Variants in MPPED1 observed in about 807,000 individuals in gnomAD.
The protein encoded by MPPED1 is metallophosphoesterase domain-containing protein 1.
A neutral mutation model predicts 36.2 loss-of-function variants in MPPED1; 16 were observed. The ratio of observed to expected loss-of-function variants is 0.44; its 90% CI spans 0.30 to 0.67. MPPED1 has a LOEUF of 0.67. Ranked by LOEUF, MPPED1 falls within the 30% of genes least tolerant of loss-of-function variation. The pLI, the probability that MPPED1 is intolerant of heterozygous loss-of-function variation, is 0.10. For synonymous variants in MPPED1, 199 were observed against 191.3 expected (o/e 1.04, Z -0.33); for missense variants, 307 against 453.4 (o/e 0.68, Z 2.93).
At chr22:43,417,055 T>C (rs1037297557) in intron 1 of MPPED1, 2 of 979,930 alleles carry the variant, frequency 2.0e-6, no homozygotes, top group Admixed American at 1.2e-4. Context: ...AAGTACATAA[T>C]TGGAAAATGA....
At chr22:43,420,123 A>G (rs1929213020) in intron 1 of MPPED1, among the ~76,000 whole-genome samples, 1 of 151,998 alleles carries the variant, frequency 6.6e-6, no homozygotes, top group Non-Finnish European at 1.5e-5. Context: ...CCTCAAGGGG[A>G]CCACTGAAGA....
chr22:43,483,747 T>C (rs1415977052), intron 4 of MPPED1, among the ~76,000 whole-genome samples: 1 of 152,218 alleles, frequency 6.6e-6, no homozygotes, highest in Non-Finnish European at 1.5e-5. Flanking sequence ...TGTGGCTGGC[T>C]TAGGGGGTGT....
intron 5 of MPPED1, among the ~76,000 whole-genome samples, chr22:43,499,236 G>T (rs1463188174): frequency 2.7e-5 from 4 of 150,014 alleles, no homozygotes; most frequent in Non-Finnish European, 5.9e-5. Flanking sequence ...TGGCAGTGGG[G>T]ATGGGGTGGT....
chr22:43,418,010 G>A, intron 1 of MPPED1: 2 of 455,864 alleles, frequency 4.4e-6, no homozygotes, highest in Middle Eastern at 3.3e-4. Flanking sequence ...AGTCGTTTCT[G>A]TGTGCTCATT....
At chr22:43,497,923 A>ATATATG (rs199983920) in intron 4 of MPPED1, among the ~76,000 whole-genome samples, 39 of 85,996 alleles carry the variant, frequency 4.5e-4, no homozygotes, top group Non-Finnish European at 7.4e-4. Flanking sequence ...AAGCTGATAT[A>ATATATG]TATATGTATA....
At position 43,500,343 on chromosome 22, in the gene MPPED1, G is replaced by A. The variant is rs796439604; in HGVS notation, c.748+1993G>A. 9.4e-3 allele frequency among the ~76,000 whole-genome samples: 1,349 copies of A among 143,492 alleles called. 2 individuals are homozygous for A. Among genetic ancestry groups the A allele is most frequent in the African/African-American group, 0.036 (1,257 of 34,644 alleles). 94.1% of individuals were successfully genotyped at this position (143,492 alleles called of 152,430 possible). Reference sequence around the variant, plus strand: ...GGTGATGGTGGTGGTGGAGGTGGTGGTGGTGATGGTGATGGAGGTGGTGAT... The same window carrying A: ...GGTGATGGTGGTGGTGGAGGTGGTGATGGTGATGGTGATGGAGGTGGTGAT... On this transcript the variant is annotated intron_variant, in intron 5 of 6. Transcript: ENST00000443721.
At chr22:43,423,901 A>C (rs1189974324) in intron 1 of MPPED1, among the ~76,000 whole-genome samples, 2 of 152,210 alleles carry the variant, frequency 1.3e-5, no homozygotes, top group Non-Finnish European at 2.9e-5. Context: ...CCATTTACAC[A>C]GTTTAAAAAA....
intron 2 of MPPED1, among the ~76,000 whole-genome samples, chr22:43,426,286 C>T (rs569631550): frequency 5.2e-4 from 79 of 152,114 alleles, no homozygotes; most frequent in Non-Finnish European, 9.4e-4. Context: ...AGGCCATTGT[C>T]CCCTTGGCTG....
intron 3 of MPPED1, among the ~76,000 whole-genome samples, chr22:43,440,512 A>G (rs1224568719): frequency 2.0e-5 from 3 of 152,198 alleles, no homozygotes; most frequent in African/African-American, 4.8e-5. Flanking sequence ...CACTGCCCAC[A>G]TCTTTCCCAA....
intron 2 of MPPED1, among the ~76,000 whole-genome samples, chr22:43,432,514 A>AG (rs1444496912): frequency 7.4e-5 from 9 of 120,868 alleles, no homozygotes; most frequent in South Asian, 3.3e-4. Flanking sequence ...AGGGAAAGAG[A>AG]AAGGGAGGAG....
At chr22:43,428,511 G>A (rs963436486) in intron 2 of MPPED1, among the ~76,000 whole-genome samples, 2 of 152,214 alleles carry the variant, frequency 1.3e-5, no homozygotes, top group African/African-American at 4.8e-5. Context: ...TTTCCATGGC[G>A]AGTCGGCTGC....
chr22:43,506,068 A>T lies in MPPED1; in HGVS notation c.*452A>T, dbSNP rs1338925843. On this transcript the variant is annotated 3_prime_UTR_variant, in exon 7 of 7. Transcript: ENST00000443721. The stretch of plus-strand genomic sequence containing the variant: ...GGGAGGATTCGTGAGCTGCACACAG[A>T]CAGTCCCTTTCTCTCCTCCCAAGTG... The T allele has an allele frequency of 6.4e-6, 1 of 156,926 alleles. No homozygotes were observed. The highest frequency in any genetic ancestry group is 2.4e-5 in the African/African-American group (1 of 41,596). 9.7% of individuals were successfully genotyped at this position (156,926 alleles called of 1,614,324 possible).
intron 1 of MPPED1, 101 bp downstream of exon 1, chr22:43,412,259 T>A: frequency 5.3e-6 from 4 of 748,246 alleles, no homozygotes; most frequent in Non-Finnish European, 6.5e-6. Flanking sequence ...CCCGCGGCGC[T>A]GCGCAGGGGC....
intron 4 of MPPED1, among the ~76,000 whole-genome samples, chr22:43,491,169 G>C (rs1333244767): frequency 6.6e-6 from 1 of 152,212 alleles, no homozygotes; most frequent in Non-Finnish European, 1.5e-5. Flanking sequence ...AGACCCTGCT[G>C]TAGGCCAAAG....
At chr22:43,495,712 G>A (rs376642892) in intron 4 of MPPED1, among the ~76,000 whole-genome samples, 182 of 49,808 alleles carry the variant, frequency 3.7e-3, no homozygotes, top group African/African-American at 5.8e-3. Context: ...TGATGGAGGT[G>A]GTGGTGGTGG....
rs575369941 is a variant in MPPED1, at chr22:43,444,507, C to T, written c.406+9292C>T. Among the ~76,000 whole-genome samples the T allele has an allele frequency of 1.3e-3, 200 of 151,864 alleles. 1 individual carries two copies. Among genetic ancestry groups the T allele is most frequent in the African/African-American group, 4.8e-3 (198 of 41,406 alleles). On this transcript the variant is annotated intron_variant, in intron 3 of 6. Transcript: ENST00000443721. ...TCAGCCTCCCGAGTAGCTGGGATTACAGGAGCCAGCCACCATGCCTAATTT... is the reference window on the plus strand; with the variant it reads ...TCAGCCTCCCGAGTAGCTGGGATTATAGGAGCCAGCCACCATGCCTAATTT...
intron 1 of MPPED1, among the ~76,000 whole-genome samples, chr22:43,421,914 G>A (rs1436315575): frequency 1.3e-5 from 2 of 152,232 alleles, no homozygotes; most frequent in African/African-American, 4.8e-5. Flanking sequence ...GACTCTACAA[G>A]GTAGGGACTG....
At chr22:43,503,773 C>T (rs1166769358) in intron 6 of MPPED1, among the ~76,000 whole-genome samples, 3 of 152,182 alleles carry the variant, frequency 2.0e-5, no homozygotes, top group African/African-American at 4.8e-5. Flanking sequence ...TGTGGCCCTA[C>T]TATGGGCATG....
chr22:43,501,993 T>C lies in MPPED1; in HGVS notation c.749-651T>C, dbSNP rs556515157. ...AGAGAGGGGCCGCCATGAACCCTAA[T>C]TGTTTGCTTGGAGTAATCAATTATT... On this transcript the variant is annotated intron_variant, in intron 5 of 6. Coordinates refer to ENST00000443721, the MANE Select transcript of MPPED1 (RefSeq NM_001044370.2). Among the ~76,000 whole-genome samples, 10 of 152,206 alleles carry C rather than the reference T, an allele frequency of 6.6e-5. No individual in the cohort carries two copies. The South Asian group carries it at 1.0e-3, about 16-fold the overall frequency.
Sources: gnomAD v4.1 joint callset for allele counts (sites outside exome capture counted in the v4.1 genomes callset) on GRCh38, gnomAD v4.1.1 for gene constraint, MANE v1.5 for transcripts, NCBI Gene and HGNC (gene_info 2026-07-23, HGNC 2026-07-21) for gene names.